Variants in SCRG1 observed in about 807,000 individuals in gnomAD.
SCRG1 encodes the protein stimulator of chondrogenesis 1, also known as scrapie-responsive protein 1.
A neutral mutation model predicts 7.7 loss-of-function variants in SCRG1; 3 were observed. The ratio of observed to expected loss-of-function variants is 0.39; its 90% CI spans 0.18 to 1.01. The LOEUF (loss-of-function observed/expected upper bound fraction) is 1.01. SCRG1 is among the 50% of genes least tolerant of loss of function. SCRG1 has a pLI of 0.36. For synonymous variants in SCRG1, 46 were observed against 41.2 expected, an observed-to-expected ratio of 1.12 and a Z score of -0.44; for missense variants, 110 against 117.2, an observed-to-expected ratio of 0.94 and a Z score of 0.28.
the SCRG1 span, among the ~76,000 whole-genome samples, chr4:173,414,595 G>A: frequency 6.6e-6 from 1 of 152,214 alleles, no homozygotes; most frequent in Non-Finnish European, 1.5e-5. Flanking sequence ...TCTTGATCAT[G>A]TCGTTTGAAT....
chr4:173,395,287 C>T (rs1739572429), intron 1 of SCRG1, among the ~76,000 whole-genome samples: 1 of 152,224 alleles, frequency 6.6e-6, no homozygotes, highest in Non-Finnish European at 1.5e-5. Flanking sequence ...CACTACCATA[C>T]ACCAGTGGCT....
At chr4:173,432,477 G>A in the SCRG1 span, among the ~76,000 whole-genome samples, 9 of 150,956 alleles carry the variant, frequency 6.0e-5, no homozygotes, top group Admixed American at 1.3e-4. Flanking sequence ...CCTCCATCCC[G>A]GTCATTCCTT....
chr4:173,516,100 C>G, the SCRG1 span, among the ~76,000 whole-genome samples: 1 of 152,164 alleles, frequency 6.6e-6, no homozygotes, highest in Non-Finnish European at 1.5e-5. Context: ...CAGACAGAAT[C>G]GTCCTGACCC....
At chr4:173,484,248 A>G in the SCRG1 span, among the ~76,000 whole-genome samples, 3 of 91,228 alleles carry the variant, frequency 3.3e-5, no homozygotes, top group Non-Finnish European at 5.6e-5. Context: ...TATATTATAT[A>G]TTTTCTATAT....
At chr4:173,494,436 C>A in the SCRG1 span, among the ~76,000 whole-genome samples, 1 of 152,202 alleles carries the variant, frequency 6.6e-6, no homozygotes, top group South Asian at 2.1e-4. Context: ...AAAAGCAAAT[C>A]TATGTTTCCA....
the SCRG1 span, among the ~76,000 whole-genome samples, chr4:173,438,605 C>G: frequency 1.3e-5 from 2 of 151,960 alleles, no homozygotes; most frequent in Non-Finnish European, 2.9e-5. Context: ...TCATGAGTTT[C>G]TTAATAACAA....
At chr4:173,499,931 T>C in the SCRG1 span, among the ~76,000 whole-genome samples, 1 of 152,234 alleles carries the variant, frequency 6.6e-6, no homozygotes, top group Non-Finnish European at 1.5e-5. The surrounding 1 kb of genome is among the most constrained non-coding windows in gnomAD (Gnocchi z 4.1). Context: ...GATGTTTTTC[T>C]GAATGTAAAG....
the SCRG1 span, among the ~76,000 whole-genome samples, chr4:173,493,411 A>G: frequency 6.6e-6 from 1 of 152,032 alleles, no homozygotes. Context: ...TAGGGCATTG[A>G]GAAATTAAAG....
chr4:173,455,028 C>T, the SCRG1 span, among the ~76,000 whole-genome samples: 10 of 152,110 alleles, frequency 6.6e-5, no homozygotes, highest in South Asian at 2.1e-4. Context: ...GTAAGAAATG[C>T]GGGCAAGTCT....
chr4:173,427,712 A>T, the SCRG1 span, among the ~76,000 whole-genome samples: 2 of 152,236 alleles, frequency 1.3e-5, no homozygotes, highest in African/African-American at 2.4e-5. Flanking sequence ...CACCTCTATA[A>T]GTAATGGCCT....
At chr4:173,438,343 G>A in the SCRG1 span, among the ~76,000 whole-genome samples, 1 of 151,462 alleles carries the variant, frequency 6.6e-6, no homozygotes, top group African/African-American at 2.4e-5. Flanking sequence ...GGCTGGTCTC[G>A]AAATCCCGGG....
chr4:173,438,269 C>T, the SCRG1 span, among the ~76,000 whole-genome samples: 1 of 140,480 alleles, frequency 7.1e-6, no homozygotes, highest in Non-Finnish European at 1.6e-5. Context: ...GCCTCTGCTA[C>T]CATGCCCAGC....
the SCRG1 span, among the ~76,000 whole-genome samples, chr4:173,413,139 A>G: frequency 1.3e-5 from 2 of 152,122 alleles, no homozygotes; most frequent in East Asian, 1.9e-4. Flanking sequence ...AAAGAAAATA[A>G]TAAGACCTTG....
the SCRG1 span, among the ~76,000 whole-genome samples, chr4:173,489,477 G>T: frequency 1.3e-5 from 2 of 151,516 alleles, no homozygotes; most frequent in African/African-American, 4.9e-5. Context: ...TCTTTCCTCA[G>T]TAGTTCAGGA....
chr4:173,510,958 T>C, the SCRG1 span, among the ~76,000 whole-genome samples: 1 of 152,152 alleles, frequency 6.6e-6, no homozygotes, highest in Non-Finnish European at 1.5e-5. This position sits in a 1 kb window ranked among gnomAD's most constrained non-coding sequence, Gnocchi z 5.7. Context: ...TGTGAAAATA[T>C]CAGCTGCCTC....
At chr4:173,411,374 G>A (rs998660475), upstream of SCRG1, among the ~76,000 whole-genome samples, 1 of 152,204 alleles carries the variant, frequency 6.6e-6, no homozygotes, top group African/African-American at 2.4e-5. Flanking sequence ...GGTGGGCCCA[G>A]TCCTCAGCAG....
chr4:173,388,369 G>C lies in SCRG1; in HGVS notation c.269C>G (p.Ser90Cys). ...TTGATTGTTGCAAGGAATCACGAAA[G>C]AGATCTTTGGTCCAAAGAAAACGTC... ...PKDVFFGPKI[S>C]FVIPCNNQ Residue 90 changes from serine to cysteine, a missense_variant, in exon 3 of 3, where the codon TCT (serine) becomes TGT (cysteine). Coordinates refer to ENST00000296506, the MANE Select transcript of SCRG1 (RefSeq NM_007281.4). 3 of 1,612,108 alleles carry C rather than the reference G, an allele frequency of 1.9e-6. No homozygotes were observed. Among genetic ancestry groups the C allele is most frequent in the Non-Finnish European group, 2.5e-6 (3 of 1,179,004 alleles).
chr4:173,484,731 A>ATAATACATATTATATATTATATGCATC, the SCRG1 span, among the ~76,000 whole-genome samples: 1 of 89,552 alleles, frequency 1.1e-5, no homozygotes. Flanking sequence ...TTATATGCAT[A>ATAATACATATTATATATTATATGCATC]TAATACATAT....
chr4:173,485,189 TGTA>T, the SCRG1 span, among the ~76,000 whole-genome samples: 17 of 107,602 alleles, frequency 1.6e-4, 4 homozygotes, highest in African/African-American at 6.4e-4. Flanking sequence ...TTACATTATA[TGTA>T]ATATATATGA....
Sources: allele counts gnomAD v4.1 joint callset (sites outside exome capture counted in the v4.1 genomes callset), GRCh38; gene constraint gnomAD v4.1.1; non-coding constraint Gnocchi (gnomAD v3.1); transcripts MANE v1.5; gene names NCBI Gene and HGNC (gene_info 2026-07-23, HGNC 2026-07-21).